Variants in RYR2 observed in about 807,000 individuals in gnomAD.
RYR2 encodes ryanodine receptor 2, also known as cardiac muscle ryanodine receptor-calcium release channel.
Under a neutral mutation model 601.1 loss-of-function variants are expected in RYR2, and 227 were observed. The observed-to-expected ratio is 0.38, with a 90% CI of 0.34 to 0.42. The LOEUF (loss-of-function observed/expected upper bound fraction) is 0.42, where lower values mean the gene tolerates loss of function less well. RYR2 is among the 10% of genes least tolerant of loss of function. The pLI, the probability that RYR2 is intolerant of heterozygous loss-of-function variation, is 1.00. For synonymous variants in RYR2, 2,223 were observed against 2,175.1 expected, an observed-to-expected ratio of 1.02 and a Z score of -0.61; for missense variants, 4,646 against 6,156.5, an observed-to-expected ratio of 0.75 and a Z score of 8.21.
rs140025406 is a variant in RYR2, at chr1:237,153,013, G to A, written c.48+110444G>A. ...CAAAGGATATGAACAGACACCAGCA[G>A]CCATTTTCTAAGGGCTTTGGTAACA... On this transcript the variant is annotated intron_variant, in intron 1 of 104. Transcript: ENST00000366574. 1.1e-3 allele frequency among the ~76,000 whole-genome samples: 160 copies of A among 152,296 alleles called. 1 individual carries two copies. The highest frequency in any genetic ancestry group is 1.7e-3 in the South Asian group (8 of 4,822).
Position 237,643,315 on chromosome 1 carries a change from T to C in RYR2, c.7222-12T>C, listed in dbSNP as rs540308433. ...ACAAAGTTGTTCTAATGTTTTTTTTTCCCCTGTATAGTTGATTCATGCCGG... is the reference window on the plus strand; with the variant it reads ...ACAAAGTTGTTCTAATGTTTTTTTTCCCCCTGTATAGTTGATTCATGCCGG... On this transcript the variant is annotated splice_polypyrimidine_tract_variant and intron_variant, in intron 47 of 104. Transcript: ENST00000366574. 2.4e-4 allele frequency: 390 copies of C among 1,607,448 alleles called. No homozygotes were observed. The highest frequency in any genetic ancestry group is 4.9e-4 in the Admixed American group (29 of 59,172).
At chr1:237,704,870 A>G (rs952311850) in intron 66 of RYR2, among the ~76,000 whole-genome samples, 3 of 152,174 alleles carry the variant, frequency 2.0e-5, no homozygotes, top group African/African-American at 7.2e-5. Context: ...AAAAATTGAT[A>G]TTTCCAGAAT....
chr1:237,377,250 G>T lies in RYR2; in HGVS notation c.464-73G>T, dbSNP rs1572044791. On this transcript the variant is annotated intron_variant, in intron 7 of 104. Transcript: ENST00000366574. ...CGGATTTCTGAAAGTTGTGTGTTGG[G>T]AATCATTGGCAAAGAAAATAGATTT... 4 of 1,062,994 alleles carry T rather than the reference G, an allele frequency of 3.8e-6. No homozygotes were observed. The East Asian group carries it at 1.0e-4, about 28-fold the overall frequency. 65.8% of individuals were successfully genotyped at this position (1,062,994 alleles called of 1,614,324 possible). A position where few individuals can be genotyped will look rare whatever the true frequency, so the allele number is the denominator to read the frequency against.
At chr1:237,555,406 T>A (rs1284874885) in intron 27 of RYR2, among the ~76,000 whole-genome samples, 1 of 152,078 alleles carries the variant, frequency 6.6e-6, no homozygotes, top group African/African-American at 2.4e-5. Flanking sequence ...AGTCAATATA[T>A]TTTTAGGTTG....
intron 1 of RYR2, among the ~76,000 whole-genome samples, chr1:237,076,469 G>A (rs1400336737): frequency 4.8e-4 from 11 of 22,956 alleles, no homozygotes; most frequent in East Asian, 4.8e-3. Context: ...CGAGAACTAC[G>A]TGAAGAATGC....
intron 24 of RYR2, among the ~76,000 whole-genome samples, chr1:237,527,835 T>C (rs1667745724): frequency 6.6e-6 from 1 of 152,224 alleles, no homozygotes; most frequent in African/African-American, 2.4e-5. Flanking sequence ...CCTGAAAATA[T>C]CAAATGGAAA....
chr1:237,466,890 A>G (rs998551686), intron 16 of RYR2, among the ~76,000 whole-genome samples: 2 of 151,690 alleles, frequency 1.3e-5, no homozygotes, highest in Admixed American at 1.3e-4. Flanking sequence ...AAATTTTTAT[A>G]TGCTTTGGTT....
chr1:237,797,028 C>T (rs1052154349), intron 96 of RYR2, among the ~76,000 whole-genome samples: 8 of 152,118 alleles, frequency 5.3e-5, no homozygotes, highest in African/African-American at 1.9e-4. Context: ...AAATGATCCA[C>T]CCACCTCGGC....
chr1:237,726,282 C>A lies in RYR2; in HGVS notation c.10699C>A (p.Arg3567Ser). ...TTTTTATTTCTTTCAGAAGTCTAAA[C>A]GTGTGGGTCGGAGACATTACTGTCT... Reference protein sequence around the residue: ...VLFHLEQKSKRVGRRHYCLVE... With the variant: ...VLFHLEQKSKSVGRRHYCLVE... Residue 3567 changes from arginine (R) to serine (S), a missense_variant, in exon 75 of 105, where the codon CGT (arginine) becomes AGT (serine). Around this residue, in one of 17 missense-constraint regions of RYR2, gnomAD observed 1,497 missense variants for 1,842.6 expected, o/e 0.81. Coordinates refer to ENST00000366574, the MANE Select transcript of RYR2 (RefSeq NM_001035.3). 6.3e-7 allele frequency: 1 copy of A among 1,585,200 alleles called. No individual in the cohort carries two copies. The highest frequency in any genetic ancestry group is 8.6e-7 in the Non-Finnish European group (1 of 1,160,632).
At chr1:237,619,757 A>G (rs868495397) in intron 38 of RYR2, among the ~76,000 whole-genome samples, 2 of 152,282 alleles carry the variant, frequency 1.3e-5, no homozygotes, top group Admixed American at 6.5e-5. Flanking sequence ...GAGTGACAGC[A>G]GATTTCTCAT....
chr1:237,424,449 T>C (rs1705919844), intron 12 of RYR2, among the ~76,000 whole-genome samples: 1 of 152,216 alleles, frequency 6.6e-6, no homozygotes, highest in Non-Finnish European at 1.5e-5. Context: ...CAATCGCCTT[T>C]CCCATATTTT....
chr1:237,535,484 T>TACACAC (rs58146773), intron 25 of RYR2, among the ~76,000 whole-genome samples: 1,643 of 144,696 alleles, frequency 0.011, 18 homozygotes, highest in East Asian at 0.031. Flanking sequence ...CAAACACACA[T>TACACAC]ACACACACAC....
chr1:237,450,765 G>C (rs1657990233), intron 14 of RYR2, among the ~76,000 whole-genome samples: 1 of 152,054 alleles, frequency 6.6e-6, no homozygotes, highest in Non-Finnish European at 1.5e-5. Context: ...ATTTTTCTGA[G>C]TTATCTAACA....
rs562477015 is a variant in RYR2 at position 237,619,851 on chromosome 1, C to T, written c.5916+2365C>T. Among the ~76,000 whole-genome samples the T allele has an allele frequency of 6.6e-5, 10 of 152,172 alleles. No homozygotes were observed. The South Asian group carries it at 1.9e-3, about 28-fold the overall frequency. Reference sequence around the variant, plus strand: ...GACGATCACCTCAGAGTTCTATGTACTTTGAAAATACTCTTAAGGAACGAA... The same window carrying T: ...GACGATCACCTCAGAGTTCTATGTATTTTGAAAATACTCTTAAGGAACGAA... On this transcript the variant is annotated intron_variant, in intron 38 of 104. Transcript: ENST00000366574.
At chr1:237,474,669 G>A (rs2150334236) in intron 17 of RYR2, among the ~76,000 whole-genome samples, 1 of 152,254 alleles carries the variant, frequency 6.6e-6, no homozygotes, top group South Asian at 2.1e-4. Flanking sequence ...TAAACTCCCT[G>A]GGAGAGCTTT....
chr1:237,232,067 A>C (rs1332332885), intron 1 of RYR2, among the ~76,000 whole-genome samples: 1 of 152,230 alleles, frequency 6.6e-6, no homozygotes, highest in East Asian at 1.9e-4. Context: ...CAGAGGAGTG[A>C]TACTGTAAAA....
chr1:237,611,076 G>C, intron 36 of RYR2, 88 bp downstream of exon 36: 1 of 1,113,216 alleles, frequency 9.0e-7, no homozygotes, highest in East Asian at 2.6e-5. Flanking sequence ...GCGGGGCAGG[G>C]GTGGTTCTAA....
At chr1:237,586,910 G>A (rs1181763714) in intron 29 of RYR2, among the ~76,000 whole-genome samples, 1 of 151,864 alleles carries the variant, frequency 6.6e-6, no homozygotes, top group East Asian at 1.9e-4. Context: ...AGTAAAGAAG[G>A]GTTTCACCAT....
At position 237,784,378 on chromosome 1, in the gene RYR2, G is replaced by A. The variant is rs1573935771; in HGVS notation, c.12666G>A (p.Glu4222=). 1 of 1,613,606 alleles carries A rather than the reference G, an allele frequency of 6.2e-7. No homozygotes were observed. Among genetic ancestry groups the A allele is most frequent in the Non-Finnish European group, 8.5e-7 (1 of 1,179,562 alleles). Residue 4222 remains glutamate (E), a synonymous_variant, in exon 90 of 105, where the codon GAG becomes GAA. Transcript: ENST00000366574. This position sits in a 1 kb window ranked among gnomAD's most constrained non-coding sequence, Gnocchi z 7.1. ...GGTCAGCGAATAAGGAAGAAAGCGAGAAGGAGAGGCCGGAAGAGCAGGGGC... is the reference window on the plus strand; with the variant it reads ...GGTCAGCGAATAAGGAAGAAAGCGAAAAGGAGAGGCCGGAAGAGCAGGGGC... ...NERSANKEES[E]KERPEEQGPR... is the part of the protein sequence containing the mutation.
Sources: allele counts gnomAD v4.1 joint callset (sites outside exome capture counted in the v4.1 genomes callset), GRCh38; gene constraint gnomAD v4.1.1; regional missense constraint gnomAD v4.1.1; non-coding constraint Gnocchi (gnomAD v3.1); transcripts MANE v1.5; gene names NCBI Gene and HGNC (gene_info 2026-07-23, HGNC 2026-07-21).